Variants in PRR5 observed in about 807,000 individuals in gnomAD.
PRR5 encodes proline rich 5, also known as proline-rich protein 5.
A neutral mutation model predicts 30.6 loss-of-function variants in PRR5; 25 were observed. That is an observed-to-expected ratio of 0.82 (90% CI 0.60 to 1.14). The LOEUF is 1.14. PRR5 is among the 50% of genes most tolerant of loss of function. The probability of loss-of-function intolerance (pLI) is 0.00; values close to 1 mark genes in which losing one functional copy is unlikely to be tolerated. For synonymous variants in PRR5, 286 were observed against 247.1 expected (o/e 1.16, Z -1.48); for missense variants, 600 against 547.1 (o/e 1.10, Z -0.96).
At position 44,702,239 on chromosome 22, in the gene PRR5, G is replaced by T. The variant is rs898495946; in HGVS notation, c.-236G>T. 2 of 1,122,908 alleles carry T rather than the reference G, an allele frequency of 1.8e-6. No homozygotes were observed. The highest frequency in any genetic ancestry group is 4.3e-5 in the South Asian group (1 of 23,146). 69.6% of individuals were successfully genotyped at this position (1,122,908 alleles called of 1,614,324 possible). A position where few individuals can be genotyped will look rare whatever the true frequency, so the allele number is the denominator to read the frequency against. ...TGCGCCGGGTCTGTGCTGGCCGCGC[G>T]CCTGGCGCTCCACGCTGAGCCTCTC... On this transcript the variant is annotated 5_prime_UTR_variant, in exon 1 of 8. Coordinates refer to ENST00000336985, the MANE Select transcript of PRR5 (RefSeq NM_181333.4).
intron 4 of PRR5, chr22:44,729,872 A>G: frequency 3.0e-6 from 3 of 985,464 alleles, no homozygotes; most frequent in Non-Finnish European, 3.6e-6. Flanking sequence ...CCCCCCGGCC[A>G]GCCCGGGAAC....
chr22:44,689,504 C>T (rs1414493981), intron 1 of PRR5, among the ~76,000 whole-genome samples: 1 of 152,224 alleles, frequency 6.6e-6, no homozygotes, highest in South Asian at 2.1e-4. Context: ...CTCTAAGTAG[C>T]CTCCCTTTAG....
chr22:44,707,588 C>T (rs1927430946), intron 1 of PRR5, among the ~76,000 whole-genome samples: 1 of 152,236 alleles, frequency 6.6e-6, no homozygotes, highest in Non-Finnish European at 1.5e-5. Flanking sequence ...TAGAGAAACT[C>T]CCAAAAGATG....
chr22:44,695,206 T>C (rs1925637731), intron 1 of PRR5, among the ~76,000 whole-genome samples: 1 of 152,090 alleles, frequency 6.6e-6, no homozygotes, highest in Admixed American at 6.6e-5. Flanking sequence ...AGAGAGGGGC[T>C]GTCTACAAGA....
intron 2 of PRR5, among the ~76,000 whole-genome samples, chr22:44,722,324 G>A (rs997126998): frequency 6.6e-6 from 1 of 152,196 alleles, no homozygotes; most frequent in African/African-American, 2.4e-5. Context: ...TCAGGTGGCT[G>A]TGAACGGAGG....
At chr22:44,730,306 C>A (rs1921711973) in intron 4 of PRR5, 2 of 985,346 alleles carry the variant, frequency 2.0e-6, no homozygotes, top group Non-Finnish European at 2.4e-6. Flanking sequence ...CTCAGAGGCG[C>A]CCACACCAAG....
rs1923434524 is a variant in PRR5 at position 44,737,134 on chromosome 22, A to G, written c.1054A>G (p.Ile352Val). ...CAGCCCGGAGAACCTGGTGGACCAG[A>G]TCCTGGAGTCCGTGGACTCGGATTC... Reference protein sequence around the residue: ...RSSPENLVDQILESVDSDSEG... With the variant: ...RSSPENLVDQVLESVDSDSEG... Residue 352 changes from isoleucine to valine, a missense_variant, in exon 8 of 8, where the codon ATC (isoleucine) becomes GTC (valine). Transcript: ENST00000336985. 1 of 1,612,580 alleles carries G rather than the reference A, an allele frequency of 6.2e-7. No homozygotes were observed. The highest frequency in any genetic ancestry group is 8.5e-7 in the Non-Finnish European group (1 of 1,179,998).
intron 6 of PRR5, among the ~76,000 whole-genome samples, chr22:44,732,787 ATAC>A (rs57119545): frequency 0.15 from 17,791 of 119,310 alleles, 2,391 homozygotes; most frequent in African/African-American, 0.45. Flanking sequence ...GTGCACGCAC[ATAC>A]TACATGTGCA....
chr22:44,687,175 C>T (rs1924820091), intron 1 of PRR5, among the ~76,000 whole-genome samples: 1 of 152,210 alleles, frequency 6.6e-6, no homozygotes, highest in Admixed American at 6.5e-5. Context: ...AACACTTGTA[C>T]ATACTTTTGG....
chr22:44,702,707 T>A (rs1926532166), intron 1 of PRR5, 99 bp downstream of exon 1: 1 of 1,221,994 alleles, frequency 8.2e-7, no homozygotes, highest in Non-Finnish European at 1.0e-6. Context: ...CCAGGAACGC[T>A]GCCGAAGGCG....
chr22:44,722,580 A>T (rs898698938), intron 2 of PRR5, among the ~76,000 whole-genome samples: 2 of 152,170 alleles, frequency 1.3e-5, no homozygotes, highest in Non-Finnish European at 2.9e-5. Flanking sequence ...GCCAGCCCTG[A>T]ACTGGGGTCC....
intron 1 of PRR5, among the ~76,000 whole-genome samples, chr22:44,705,485 G>T (rs868812027): frequency 6.6e-6 from 1 of 150,690 alleles, no homozygotes. Flanking sequence ...CACCACGCCC[G>T]GCTAATTTTT....
chr22:44,695,485 G>A (rs185611585), intron 1 of PRR5, among the ~76,000 whole-genome samples: 1 of 152,142 alleles, frequency 6.6e-6, no homozygotes, highest in Non-Finnish European at 1.5e-5. Context: ...CAAGGTTGTG[G>A]TTTTTTAGAG....
chr22:44,697,425 C>T (rs994216553), upstream of PRR5, among the ~76,000 whole-genome samples: 4 of 152,228 alleles, frequency 2.6e-5, no homozygotes, highest in African/African-American at 7.2e-5. Context: ...TGGGACGGCC[C>T]GGATGGCAGA....
chr22:44,672,061 C>T (rs1034982002), upstream of PRR5, among the ~76,000 whole-genome samples: 1 of 152,192 alleles, frequency 6.6e-6, no homozygotes, highest in African/African-American at 2.4e-5. Flanking sequence ...TGGCATCAGC[C>T]GTGGTATTGG....
At chr22:44,714,930 G>A (rs1455717783) in intron 2 of PRR5, among the ~76,000 whole-genome samples, 2 of 152,240 alleles carry the variant, frequency 1.3e-5, no homozygotes, top group African/African-American at 2.4e-5. Context: ...CAGCCCCAGA[G>A]AAAGTTCTTC....
At chr22:44,700,217 A>G (rs1204738815), upstream of PRR5, among the ~76,000 whole-genome samples, 2 of 152,152 alleles carry the variant, frequency 1.3e-5, no homozygotes, top group East Asian at 3.8e-4. Context: ...TAATCCCAGC[A>G]CTTTAGGAGG....
chr22:44,680,721 C>T (rs1010845736), intron 1 of PRR5, among the ~76,000 whole-genome samples: 1 of 150,182 alleles, frequency 6.7e-6, no homozygotes, highest in African/African-American at 2.4e-5. Flanking sequence ...GACATCTGGC[C>T]TGAGACCCCC....
upstream of PRR5, among the ~76,000 whole-genome samples, chr22:44,698,066 C>G (rs1200582564): frequency 6.6e-6 from 1 of 152,184 alleles, no homozygotes; most frequent in South Asian, 2.1e-4. Context: ...TTCCTGTCCC[C>G]TGGGTGTCCA....
Sources: allele counts gnomAD v4.1 joint callset (sites outside exome capture counted in the v4.1 genomes callset), GRCh38; gene constraint gnomAD v4.1.1; transcripts MANE v1.5; gene names NCBI Gene and HGNC (gene_info 2026-07-23, HGNC 2026-07-21).